Variants in DGKZ observed in about 807,000 individuals in gnomAD.
DGKZ encodes DAG kinase zeta.
DGKZ carries 45 observed loss-of-function variants against 142.5 expected under a neutral mutation model. The observed-to-expected ratio is 0.32, with a 90% CI of 0.25 to 0.40. DGKZ has a LOEUF of 0.40. Ranked by LOEUF, DGKZ falls within the 10% of genes least tolerant of loss-of-function variation. DGKZ has a pLI of 1.00. For missense variants in DGKZ, 755 were observed against 1,306.5 expected (o/e 0.58, Z 6.51); for synonymous variants, 442 against 527.0 (o/e 0.84, Z 2.21).
In DGKZ at chr11:46,347,933, G is replaced by A. The variant is rs1310264793; in HGVS notation, c.161+113G>A. ...CGGGCCACTTCGGTACTGACACTGA[G>A]TCGGGGAGAGGCTGGCACCGGCGGC... On this transcript the variant is annotated intron_variant, in intron 1 of 30. Coordinates refer to ENST00000527911, the Ensembl canonical transcript of DGKZ. The surrounding 1 kb of genome is among the most constrained non-coding windows in gnomAD (Gnocchi z 6.4). 1 of 1,234,446 alleles carries A rather than the reference G, an allele frequency of 8.1e-7. No homozygotes were observed. The highest frequency in any genetic ancestry group is 4.3e-5 in the Admixed American group (1 of 23,494). The allele number at this position is 1,234,446 out of a possible 1,614,324, so 76.5% of individuals were successfully genotyped here. A position where few individuals can be genotyped will look rare whatever the true frequency, so the allele number is the denominator to read the frequency against.
intron 1 of DGKZ, chr11:46,366,740 G>A (rs1396481852): frequency 2.6e-6 from 4 of 1,552,212 alleles, no homozygotes; most frequent in African/African-American, 2.7e-5. Context: ...CCTGCGCCGA[G>A]CCTCCTCCCA....
At chr11:46,377,273 A>C (rs1590640947) in intron 25 of DGKZ, 61 bp downstream of exon 25, 1 of 1,515,394 alleles carries the variant, frequency 6.6e-7, no homozygotes, top group South Asian at 1.3e-5. Flanking sequence ...TAAGCCGATG[A>C]CTTCTGAATC....
rs751415123 is a variant in DGKZ at position 46,371,589 on chromosome 11, G to A, written c.745G>A (p.Ala249Thr). 8.7e-6 allele frequency: 14 copies of A among 1,610,300 alleles called. No individual in the cohort carries two copies. Among genetic ancestry groups the A allele is most frequent in the Admixed American group, 5.0e-5 (3 of 59,816 alleles). ...CATCCCGCCCACCTGGATCCTCCGC[G>A]CCCGGAGGCCCCAGGTGAGTACTGC... Residue 249 changes from alanine (A) to threonine (T), a missense_variant, in exon 8 of 31, where the codon GCC becomes ACC. By Grantham distance (58) the Ala-to-Thr change is moderately conservative (BLOSUM62 0). Transcript: ENST00000527911.
intron 1 of DGKZ, among the ~76,000 whole-genome samples, chr11:46,337,256 G>C (rs1940058215): frequency 6.7e-6 from 1 of 150,164 alleles, no homozygotes; most frequent in Admixed American, 6.6e-5. Flanking sequence ...TTCCAAACTG[G>C]ATCACCTGGG....
intron 4 of DGKZ, 119 bp from the exon 5 acceptor site, chr11:46,369,375 C>T (rs778866191): frequency 3.7e-5 from 45 of 1,232,436 alleles, no homozygotes; most frequent in Middle Eastern, 1.9e-4. Flanking sequence ...ACTCTCGTGA[C>T]GATTTGGGGG....
At chr11:46,376,303 G>T (rs557067812) in intron 22 of DGKZ, 25 bp from the exon 23 acceptor site, 3 of 1,613,688 alleles carry the variant, frequency 1.9e-6, no homozygotes, top group South Asian at 1.1e-5. Context: ...CTCTATCCCA[G>T]CCTGGCCTTT....
intron 1 of DGKZ, among the ~76,000 whole-genome samples, chr11:46,357,439 G>T (rs1056334633): frequency 6.6e-6 from 1 of 152,196 alleles, no homozygotes; most frequent in Non-Finnish European, 1.5e-5. Context: ...CCAAACCAAG[G>T]CTGTTGCCAT....
chr11:46,372,702 G>A lies in DGKZ; in HGVS notation c.1071+25G>A, dbSNP rs752250408. 9.9e-6 allele frequency: 16 copies of A among 1,612,466 alleles called. No individual in the cohort carries two copies. In the African/African-American group the frequency reaches 1.1e-4, roughly 11 times the overall value. On this transcript the variant is annotated intron_variant, in intron 12 of 30. Coordinates refer to ENST00000527911, the Ensembl canonical transcript of DGKZ. The surrounding 1 kb of genome is among the most constrained non-coding windows in gnomAD (Gnocchi z 5.9). ...GGTGAGCTCCCCGCATGGGCCAGCC[G>A]AGCACCAGGGCTGGGCCTGAAGCCG...
At position 46,367,046 on chromosome 11, in the gene DGKZ, TGG is replaced by T. The variant is rs1943391230; in HGVS notation, c.162-243_162-242del. 6.8e-7 allele frequency: 1 copy of T among 1,468,824 alleles called. No homozygotes were observed. 91.0% of individuals were successfully genotyped at this position (1,468,824 alleles called of 1,614,324 possible). A position where few individuals can be genotyped will look rare whatever the true frequency, so the allele number is the denominator to read the frequency against. On this transcript the variant is annotated intron_variant, in intron 1 of 30. Coordinates refer to ENST00000527911, the Ensembl canonical transcript of DGKZ. This position sits in a 1 kb window ranked among gnomAD's most constrained non-coding sequence, Gnocchi z 4.1. ...ACCTCCTGTGGGTCTGGCCTGGGCA[TGG>T]GCCTTGAAGCTCTGCCTGGCTGAGG...
At chr11:46,355,682 G>A (rs1051844501) in intron 1 of DGKZ, among the ~76,000 whole-genome samples, 1 of 152,164 alleles carries the variant, frequency 6.6e-6, no homozygotes, top group Non-Finnish European at 1.5e-5. Flanking sequence ...GTGGGGTGGG[G>A]CCCTGGGGGC....
intron 1 of DGKZ, chr11:46,366,384 C>T: frequency 6.6e-7 from 1 of 1,522,714 alleles, no homozygotes. Context: ...GGGCAGGCCT[C>T]CTCCTCACTG....
chr11:46,378,886 C>T (rs930335678), intron 27 of DGKZ, 105 bp from the exon 28 acceptor site: 4 of 1,455,992 alleles, frequency 2.7e-6, no homozygotes, highest in African/African-American at 1.4e-5. Flanking sequence ...TGAGCGCACT[C>T]GTTTCAGGCC....
At chr11:46,378,131 G>T in intron 25 of DGKZ, 67 bp from the exon 26 acceptor site, 1 of 1,560,112 alleles carries the variant, frequency 6.4e-7, no homozygotes. Context: ...GCCCCCAGTT[G>T]GGGTTGGGGA....
intron 14 of DGKZ, among the ~76,000 whole-genome samples, chr11:46,373,763 A>C (rs1944246779): frequency 6.6e-6 from 1 of 152,084 alleles, no homozygotes; most frequent in African/African-American, 2.4e-5. Context: ...CTCCCAAAGC[A>C]CTGGGATTAC....
intron 24 of DGKZ, 28 bp downstream of exon 24, chr11:46,376,592 A>G: frequency 6.2e-7 from 1 of 1,612,890 alleles, no homozygotes; most frequent in Admixed American, 1.7e-5. Flanking sequence ...TGCTCCAGCC[A>G]CAGCTGCTTC....
At chr11:46,377,749 T>C in intron 25 of DGKZ, 1 of 256,580 alleles carries the variant, frequency 3.9e-6, no homozygotes, top group Non-Finnish European at 7.6e-6. Context: ...CACTCTCTTC[T>C]CTTGGTTCTT....
upstream of DGKZ, among the ~76,000 whole-genome samples, chr11:46,347,108 G>T (rs1048189920): frequency 1.3e-5 from 2 of 152,188 alleles, no homozygotes; most frequent in African/African-American, 4.8e-5. The surrounding 1 kb of genome is among the most constrained non-coding windows in gnomAD (Gnocchi z 6.4). Context: ...GTGCGAGAGC[G>T]GAGGGGAGGT....
Position 46,378,037 on chromosome 11 carries a change from C to T in DGKZ, c.2343-161C>T, listed in dbSNP as rs182583580. 2.3e-5 allele frequency: 20 copies of T among 858,270 alleles called. No individual in the cohort carries two copies. In the Admixed American group the frequency reaches 3.2e-4, roughly 14 times the overall value. The allele number at this position is 858,270 out of a possible 1,614,324, so 53.2% of individuals were successfully genotyped here. On this transcript the variant is annotated intron_variant, in intron 25 of 30. Transcript: ENST00000527911. ...CCATGAGGGCAAGGCCTTCCTCTGT[C>T]TCGTTTCCCTGCTGTATCCCCAGTG...
In DGKZ at chr11:46,371,395, C is replaced by A; in HGVS notation, c.642+11C>A. 1 of 1,613,164 alleles carries A rather than the reference C, an allele frequency of 6.2e-7. No homozygotes were observed. The highest frequency in any genetic ancestry group is 8.5e-7 in the Non-Finnish European group (1 of 1,179,580). On this transcript the variant is annotated intron_variant, in intron 7 of 30. Transcript: ENST00000527911. The stretch of plus-strand genomic sequence containing the variant: ...TGGTGCAAGCAGGCAGTGAGTGGTG[C>A]CCCCGCCCCCAGGGCCAGGCCCTGC...
Sources: gnomAD v4.1 joint callset for allele counts (sites outside exome capture counted in the v4.1 genomes callset) on GRCh38, gnomAD v4.1.1 for gene constraint, Gnocchi (gnomAD v3.1) non-coding constraint, MANE v1.5 for transcripts, NCBI Gene and HGNC (gene_info 2026-07-23, HGNC 2026-07-21) for gene names.